EXOC5: variants seen among roughly 807,000 people sequenced by gnomAD.
EXOC5 encodes the protein exocyst complex component 5.
In EXOC5, 17 loss-of-function variants were observed where a neutral mutation model predicts 90.8. The ratio of observed to expected loss-of-function variants is 0.19; its 90% CI spans 0.13 to 0.28. The LOEUF is 0.28. EXOC5 is among the 10% of genes least tolerant of loss of function. The probability of loss-of-function intolerance (pLI) is 1.00; values close to 1 mark genes in which losing one functional copy is unlikely to be tolerated. For missense variants in EXOC5, 569 were observed against 830.6 expected (o/e 0.69, Z 3.87); for synonymous variants, 260 against 270.0 (o/e 0.96, Z 0.36).
At chr14:57,237,549 GAC>G in intron 5 of EXOC5, 183 bp from the exon 6 acceptor site, 1 of 478,346 alleles carries the variant, frequency 2.1e-6, no homozygotes, top group Middle Eastern at 5.1e-4. Context: ...AAAGAAAAAA[GAC>G]AAAATCAGAG....
chr14:57,252,477 GCAGAAA>G (rs757413230), intron 1 of EXOC5, among the ~76,000 whole-genome samples: 28 of 152,170 alleles, frequency 1.8e-4, no homozygotes, highest in African/African-American at 2.6e-4. Context: ...TGTGTGAAGG[GCAGAAA>G]CAGACATTTC....
At chr14:57,252,362 C>A (rs571365991) in intron 1 of EXOC5, among the ~76,000 whole-genome samples, 3 of 152,244 alleles carry the variant, frequency 2.0e-5, no homozygotes, top group Admixed American at 2.0e-4. Context: ...ATACAACCCA[C>A]AGAACAGGAG....
chr14:57,208,676 A>G lies in EXOC5; in HGVS notation c.2060T>C (p.Ile687Thr), dbSNP rs769502695. ...GEQLANLDKN[I>T]LHSFVQLRAD... is the part of the protein sequence containing the mutation. ...ACGAAGTTGTACGAAGGAGTGAAGTATATTCTTGTCCAGATTAGCAAGTTG... is the reference window on the plus strand; with the variant it reads ...ACGAAGTTGTACGAAGGAGTGAAGTGTATTCTTGTCCAGATTAGCAAGTTG... The change falls in exon 18 of 18, where the codon ATA becomes ACA. Residue 687 changes from isoleucine to threonine, a missense_variant. By Grantham distance (89) the Ile-to-Thr change is moderately conservative. Around this residue, in one of 9 missense-constraint regions of EXOC5, gnomAD observed 122 missense variants for 180.0 expected, o/e 0.68. Transcript: ENST00000621441. The G allele has an allele frequency of 1.1e-5, 18 of 1,612,344 alleles. No homozygotes were observed. The highest frequency in any genetic ancestry group is 1.5e-5 in the Non-Finnish European group (18 of 1,179,384).
chr14:57,254,693 A>G (rs1468016815), intron 1 of EXOC5, among the ~76,000 whole-genome samples: 1 of 152,112 alleles, frequency 6.6e-6, no homozygotes, highest in Non-Finnish European at 1.5e-5. Flanking sequence ...ACCTTTGGGG[A>G]GGTAATCAGT....
intron 13 of EXOC5, among the ~76,000 whole-genome samples, chr14:57,221,757 A>G (rs1206994923): frequency 2.6e-5 from 4 of 152,148 alleles, no homozygotes; most frequent in Non-Finnish European, 5.9e-5. Flanking sequence ...GGAAAGGAAC[A>G]GGTTTAGAGG....
chr14:57,268,544 C>A, intron 1 of EXOC5, 78 bp downstream of exon 1: 1 of 1,543,422 alleles, frequency 6.5e-7, no homozygotes, highest in South Asian at 1.2e-5. Flanking sequence ...AGCCAGCAAA[C>A]GCCCGCTCCT....
At chr14:57,219,730 TTATCTC>T in intron 13 of EXOC5, among the ~76,000 whole-genome samples, 1 of 152,224 alleles carries the variant, frequency 6.6e-6, no homozygotes, top group Admixed American at 6.5e-5. Context: ...CCAGGCCTCT[TTATCTC>T]TGATAACAGT....
In EXOC5 at chr14:57,200,787, A is replaced by C. The variant is rs1025925652; in HGVS notation, c.*7822T>G. 2.0e-5 allele frequency: 3 copies of C among 151,834 alleles called. No individual in the cohort carries two copies. The highest frequency in any genetic ancestry group is 2.9e-5 in the Non-Finnish European group (2 of 67,990). The allele number at this position is 151,834 out of a possible 1,614,324, so 9.4% of individuals were successfully genotyped here. ...AAAAAAAAAAAAAACTTCCACCAAA[A>C]ATATAGTTGTTTCTGCGTGATAAAA... On this transcript the variant is annotated 3_prime_UTR_variant, in exon 18 of 18. Transcript: ENST00000621441.
chr14:57,241,900 G>A (rs1594671282), intron 4 of EXOC5, among the ~76,000 whole-genome samples: 1 of 152,112 alleles, frequency 6.6e-6, no homozygotes, highest in African/African-American at 2.4e-5. Context: ...TTGGGAGGCC[G>A]AGGTGGGCGG....
intron 12 of EXOC5, among the ~76,000 whole-genome samples, chr14:57,224,725 T>C (rs1347737063): frequency 6.6e-6 from 1 of 152,104 alleles, no homozygotes; most frequent in East Asian, 1.9e-4. Context: ...ACACATCCTA[T>C]GAGGCCAACA....
chr14:57,258,664 T>C (rs1248711220), intron 1 of EXOC5, among the ~76,000 whole-genome samples: 2 of 152,228 alleles, frequency 1.3e-5, no homozygotes, highest in Non-Finnish European at 1.5e-5. Context: ...ACCTGTACGT[T>C]ATGCACATGT....
intron 15 of EXOC5, among the ~76,000 whole-genome samples, chr14:57,215,246 A>G (rs1882940305): frequency 6.6e-6 from 1 of 152,140 alleles, no homozygotes; most frequent in African/African-American, 2.4e-5. Context: ...AAAAAAAAGA[A>G]GAAGAAGAAT....
intron 12 of EXOC5, among the ~76,000 whole-genome samples, chr14:57,223,363 T>G (rs1327748016): frequency 1.3e-5 from 2 of 152,098 alleles, no homozygotes; most frequent in African/African-American, 4.8e-5. Context: ...TAGTCTTAAT[T>G]CATGTGTCCT....
At chr14:57,245,699 C>T (rs1884012508) in intron 3 of EXOC5, among the ~76,000 whole-genome samples, 1 of 152,074 alleles carries the variant, frequency 6.6e-6, no homozygotes, top group African/African-American at 2.4e-5. Context: ...TAATCCCTAA[C>T]ACTAAAGAAC....
chr14:57,218,472 A>G (rs1045741157), intron 14 of EXOC5, among the ~76,000 whole-genome samples: 1 of 152,098 alleles, frequency 6.6e-6, no homozygotes, highest in African/African-American at 2.4e-5. Context: ...AGTAAATCAT[A>G]CTATAAAATT....
chr14:57,259,936 G>C (rs966377998), intron 1 of EXOC5, among the ~76,000 whole-genome samples: 2 of 152,112 alleles, frequency 1.3e-5, no homozygotes, highest in African/African-American at 4.8e-5. Context: ...AGAGGGTCTT[G>C]AAAGTCATGC....
chr14:57,227,214 C>T (rs2139629402), intron 12 of EXOC5, among the ~76,000 whole-genome samples: 1 of 152,200 alleles, frequency 6.6e-6, no homozygotes, highest in African/African-American at 2.4e-5. Flanking sequence ...TGAATCATCA[C>T]TGCATTAGGA....
At chr14:57,238,608 T>C (rs762453264) in intron 5 of EXOC5, among the ~76,000 whole-genome samples, 15 of 151,712 alleles carry the variant, frequency 9.9e-5, no homozygotes, top group South Asian at 2.1e-4. Context: ...CTTTAAAAAG[T>C]ATTACAGTAA....
chr14:57,265,441 G>A (rs1287853585), intron 1 of EXOC5, among the ~76,000 whole-genome samples: 1 of 152,122 alleles, frequency 6.6e-6, no homozygotes, highest in East Asian at 1.9e-4. Flanking sequence ...AAAAAGAACT[G>A]GCGGGGCACG....
Sources: allele counts gnomAD v4.1 joint callset (sites outside exome capture counted in the v4.1 genomes callset), GRCh38; gene constraint gnomAD v4.1.1; regional missense constraint gnomAD v4.1.1; transcripts MANE v1.5; gene names NCBI Gene and HGNC (gene_info 2026-07-23, HGNC 2026-07-21).